The following RTN3 variants were observed in gnomAD, a reference collection of about 807,000 sequenced individuals.
The protein encoded by RTN3 is reticulon 3, also known as reticulon-3.
Under a neutral mutation model 77.8 loss-of-function variants are expected in RTN3, and 49 were observed. The observed-to-expected ratio is 0.63, with a 90% CI of 0.50 to 0.80. The LOEUF (loss-of-function observed/expected upper bound fraction) is 0.80. RTN3 is among the 30% of genes least tolerant of loss of function. The pLI is 0.00. For synonymous variants in RTN3, 464 were observed against 446.9 expected (o/e 1.04, Z -0.48); for missense variants, 1,236 against 1,211.9 (o/e 1.02, Z -0.29).
At position 63,723,998 on chromosome 11, in the gene RTN3, C is replaced by T. The variant is rs537979752; in HGVS notation, c.2530+2966C>T. Among the ~76,000 whole-genome samples, 7 of 152,172 alleles carry T rather than the reference C, an allele frequency of 4.6e-5. No individual in the cohort carries two copies. In the South Asian group the frequency reaches 1.2e-3, roughly 27 times the overall value. ...AAGAAAATCAGATCCCTGCCTCTCA[C>T]ATACCTAGTGTAGTGAAGATAGTTT... On this transcript the variant is annotated intron_variant, in intron 3 of 8. Coordinates refer to ENST00000377819, the MANE Select transcript of RTN3 (RefSeq NM_001265589.2).
At position 63,733,760 on chromosome 11, in the gene RTN3, G is replaced by A. The variant is rs531606205; in HGVS notation, c.2530+12728G>A. ...AGCTGGGCGTGGTGGCGGTGGTGGT[G>A]TGTGTCTGTAGTCCCAGCTACTCGG... is the stretch of plus-strand genomic sequence containing the variant. On this transcript the variant is annotated intron_variant, in intron 3 of 8. Coordinates refer to ENST00000377819, the MANE Select transcript of RTN3 (RefSeq NM_001265589.2). Among the ~76,000 whole-genome samples the A allele has an allele frequency of 1.2e-3, 179 of 149,974 alleles. 1 individual carries two copies. The highest frequency in any genetic ancestry group is 4.2e-3 in the African/African-American group (171 of 40,776).
intron 3 of RTN3, among the ~76,000 whole-genome samples, chr11:63,749,398 A>G (rs1035031081): frequency 7.9e-5 from 12 of 152,178 alleles, no homozygotes; most frequent in Non-Finnish European, 1.6e-4. Flanking sequence ...TAGCACTAAT[A>G]GTGCTTGGTC....
chr11:63,713,836 GAGAAA>G, intron 2 of RTN3: 1 of 314,514 alleles, frequency 3.2e-6, no homozygotes, highest in Middle Eastern at 4.1e-4. Flanking sequence ...TGAATCTTTT[GAGAAA>G]AGAAAGATAG....
chr11:63,693,433 G>A (rs540639495), intron 1 of RTN3, among the ~76,000 whole-genome samples: 2 of 152,040 alleles, frequency 1.3e-5, no homozygotes, highest in East Asian at 1.9e-4. Flanking sequence ...GTGGTGAGCC[G>A]AGATCGCACC....
rs1022293058 is a variant in RTN3, at chr11:63,683,838, A to G, written c.142+2060A>G. Among the ~76,000 whole-genome samples, 11 of 150,968 alleles carry G rather than the reference A, an allele frequency of 7.3e-5. No homozygotes were observed. The East Asian group carries it at 2.2e-3, about 30-fold the overall frequency. On this transcript the variant is annotated intron_variant, in intron 1 of 8. Coordinates refer to ENST00000377819, the MANE Select transcript of RTN3 (RefSeq NM_001265589.2). ...GTGTTTTGTCGAAAGTAGTAGAATT[A>G]TATCGTGAAGTGCTGTTCCAAGTAC...
At chr11:63,748,270 T>C (rs149295678) in intron 3 of RTN3, among the ~76,000 whole-genome samples, 2 of 150,464 alleles carry the variant, frequency 1.3e-5, no homozygotes, top group African/African-American at 2.4e-5. Flanking sequence ...GATCTTACAG[T>C]TGGGGACTTA....
At chr11:63,698,738 C>G (rs1210538516) in intron 1 of RTN3, 1 of 171,268 alleles carries the variant, frequency 5.8e-6, no homozygotes, top group African/African-American at 2.4e-5. Context: ...ACTGCCAGCA[C>G]CTGCTCCCGA....
In RTN3 at chr11:63,759,285, C is replaced by T. The variant is rs1228583352; in HGVS notation, c.*1084C>T. ...ACCTTCAATATGAGAATTCAGCGAA[C>T]TTGAAAGAAAAATCATCTGTGAGTT... On this transcript the variant is annotated 3_prime_UTR_variant, in exon 9 of 9. Coordinates refer to ENST00000377819, the MANE Select transcript of RTN3 (RefSeq NM_001265589.2). 1.3e-5 allele frequency: 2 copies of T among 152,198 alleles called. No individual in the cohort carries two copies. Among genetic ancestry groups the T allele is most frequent in the Non-Finnish European group, 2.9e-5 (2 of 68,020 alleles). 9.4% of individuals were successfully genotyped at this position (152,198 alleles called of 1,614,324 possible).
intron 2 of RTN3, among the ~76,000 whole-genome samples, chr11:63,705,296 TG>T (rs1200006623): frequency 6.6e-6 from 1 of 152,174 alleles, no homozygotes; most frequent in Non-Finnish European, 1.5e-5. Flanking sequence ...GAGACCAGTC[TG>T]GGCAACATGG....
chr11:63,748,634 GC>G (rs2013931737), intron 3 of RTN3, among the ~76,000 whole-genome samples: 1 of 142,854 alleles, frequency 7.0e-6, no homozygotes, highest in Non-Finnish European at 1.5e-5. Context: ...ACAGGCGTGA[GC>G]CCCTGCACCC....
chr11:63,706,284 G>T (rs1942491869), intron 2 of RTN3, among the ~76,000 whole-genome samples: 1 of 152,092 alleles, frequency 6.6e-6, no homozygotes, highest in Non-Finnish European at 1.5e-5. Context: ...CAATCTCCTG[G>T]GTTCAAGCGA....
At chr11:63,702,708 C>T (rs577837080) in intron 1 of RTN3, among the ~76,000 whole-genome samples, 39 of 149,140 alleles carry the variant, frequency 2.6e-4, no homozygotes, top group African/African-American at 6.9e-4. Context: ...TTTTTTGAGA[C>T]GGAGTCTTGC....
intron 5 of RTN3, 64 bp downstream of exon 5, chr11:63,752,709 A>G: frequency 1.3e-6 from 2 of 1,529,344 alleles, no homozygotes; most frequent in Non-Finnish European, 1.8e-6. Flanking sequence ...TATAATTTGG[A>G]GGAAAAACAG....
rs561906999 is a variant in RTN3, at chr11:63,703,901, C to T, written c.143-950C>T. Among the ~76,000 whole-genome samples, 16 of 152,040 alleles carry T rather than the reference C, an allele frequency of 1.1e-4. No homozygotes were observed. The East Asian group carries it at 2.7e-3, about 26-fold the overall frequency. On this transcript the variant is annotated intron_variant, in intron 1 of 8. Transcript: ENST00000377819. ...ATAGTATATATTCTTAGAAGTGTAA[C>T]TGTAGAGTTAGTATTGTGCAGGGGG...
Position 63,750,072 on chromosome 11 carries a change from C to T in RTN3, c.2612C>T (p.Ala871Val). 3 of 1,613,644 alleles carry T rather than the reference C, an allele frequency of 1.9e-6. No individual in the cohort carries two copies. Among genetic ancestry groups the T allele is most frequent in the African/African-American group, 2.7e-5 (2 of 75,030 alleles). ...GTTLIMLLSL[A>V]AFSVISVVSY... The stretch of plus-strand genomic sequence containing the variant: ...ACGCTGATCATGCTGCTTTCCCTGG[C>T]AGCTTTCAGTGTCATCAGTGTGGTT... The change falls in exon 4 of 9, where the codon GCA becomes GTA. Residue 871 changes from alanine (A) to valine (V), a missense_variant. This residue lies in a region of RTN3 where 39 missense variants were observed against 66.6 expected (regional missense o/e 0.59). Coordinates refer to ENST00000377819, the MANE Select transcript of RTN3 (RefSeq NM_001265589.2).
chr11:63,756,694 C>T (rs1321360530), intron 8 of RTN3, among the ~76,000 whole-genome samples: 3 of 152,212 alleles, frequency 2.0e-5, no homozygotes. Context: ...CCTCCCACCT[C>T]AGCTTCTCCA....
At chr11:63,730,666 C>G (rs1301339759) in intron 3 of RTN3, among the ~76,000 whole-genome samples, 2 of 151,972 alleles carry the variant, frequency 1.3e-5, no homozygotes, top group African/African-American at 2.4e-5. Context: ...TACAAAAATT[C>G]AAAAATTAAC....
At chr11:63,697,463 C>T (rs1942020713) in intron 1 of RTN3, among the ~76,000 whole-genome samples, 1 of 117,672 alleles carries the variant, frequency 8.5e-6, no homozygotes, top group Non-Finnish European at 1.9e-5. Context: ...GCCACCACAC[C>T]CAGCTCATTA....
intron 6 of RTN3, 138 bp from the exon 7 acceptor site, chr11:63,753,524 G>T: frequency 1.3e-6 from 1 of 775,048 alleles, no homozygotes; most frequent in Non-Finnish European, 2.1e-6. Flanking sequence ...AATTGGGAGT[G>T]CTAACCAGGA....
Sources: allele counts gnomAD v4.1 joint callset (sites outside exome capture counted in the v4.1 genomes callset), GRCh38; gene constraint gnomAD v4.1.1; regional missense constraint gnomAD v4.1.1; transcripts MANE v1.5; gene names NCBI Gene and HGNC (gene_info 2026-07-23, HGNC 2026-07-21).